The following UBE2K variants were observed in gnomAD, a reference collection of about 807,000 sequenced individuals.
UBE2K encodes the protein ubiquitin conjugating enzyme E2 K, also known as ubiquitin-conjugating enzyme E2 K.
UBE2K carries 6 observed loss-of-function variants against 30.0 expected under a neutral mutation model. The observed-to-expected ratio is 0.20, with a 90% CI of 0.11 to 0.39. The LOEUF is 0.39. UBE2K is among the 10% of genes least tolerant of loss of function. UBE2K has a pLI of 1.00. For synonymous variants in UBE2K, 86 were observed against 83.7 expected, an observed-to-expected ratio of 1.03 and a Z score of -0.15; for missense variants, 61 against 241.6, an observed-to-expected ratio of 0.25 and a Z score of 4.96.
intron 1 of UBE2K, among the ~76,000 whole-genome samples, chr4:39,708,623 ATCTT>A: frequency 6.6e-6 from 1 of 152,216 alleles, no homozygotes; most frequent in East Asian, 1.9e-4. Flanking sequence ...GCTTTTCAAA[ATCTT>A]TCTTAAGAAA....
intron 2 of UBE2K, among the ~76,000 whole-genome samples, chr4:39,744,461 C>T (rs780941784): frequency 2.1e-4 from 32 of 151,726 alleles, no homozygotes; most frequent in Non-Finnish European, 3.5e-4. Flanking sequence ...CATGAGCCAC[C>T]GCGCCGAGCC....
At chr4:39,728,796 G>T (rs1719897246) in intron 1 of UBE2K, among the ~76,000 whole-genome samples, 1 of 150,082 alleles carries the variant, frequency 6.7e-6, no homozygotes, top group African/African-American at 2.4e-5. Flanking sequence ...CCGCCACCAC[G>T]CCCGGCTAGT....
chr4:39,718,809 C>A (rs1295578951), intron 1 of UBE2K, among the ~76,000 whole-genome samples: 1 of 152,266 alleles, frequency 6.6e-6, no homozygotes, highest in Admixed American at 6.5e-5. Flanking sequence ...CTGAGCCCGC[C>A]AAGCCCACGC....
chr4:39,727,530 C>A (rs1719821065), intron 1 of UBE2K, among the ~76,000 whole-genome samples: 1 of 151,632 alleles, frequency 6.6e-6, no homozygotes, highest in Non-Finnish European at 1.5e-5. Context: ...CCCACACCTA[C>A]CTAATTTTTT....
chr4:39,750,892 A>ACCC (rs1293569131), intron 3 of UBE2K, among the ~76,000 whole-genome samples: 1 of 151,360 alleles, frequency 6.6e-6, no homozygotes. Flanking sequence ...CTACAGGCAT[A>ACCC]CCCCACCATG....
intron 4 of UBE2K, chr4:39,760,935 T>C (rs192194735): frequency 3.6e-4 from 55 of 152,144 alleles, no homozygotes; most frequent in African/African-American, 1.3e-3. Flanking sequence ...TATACAGATA[T>C]AAAAATTCAT....
At chr4:39,710,315 C>G (rs1718598811) in intron 1 of UBE2K, 1 of 152,076 alleles carries the variant, frequency 6.6e-6, no homozygotes. Flanking sequence ...GTTGCCCAGG[C>G]TGGAGTGCAG....
rs907078606 is a variant in UBE2K at position 39,725,700 on chromosome 4, G to C, written c.64-11720G>C. 6.6e-5 allele frequency among the ~76,000 whole-genome samples: 10 copies of C among 152,282 alleles called. No homozygotes were observed. In the East Asian group the frequency reaches 1.7e-3, roughly 26 times the overall value. ...CCCTTCCCCCTGCCAGAAGCATGCAGGGAATTTTCTTCCATCCTCACTGTG... is the reference window on the plus strand; with the variant it reads ...CCCTTCCCCCTGCCAGAAGCATGCACGGAATTTTCTTCCATCCTCACTGTG... On this transcript the variant is annotated intron_variant, in intron 1 of 6. Transcript: ENST00000261427.
At chr4:39,734,573 G>T (rs956003566) in intron 1 of UBE2K, among the ~76,000 whole-genome samples, 1 of 152,106 alleles carries the variant, frequency 6.6e-6, no homozygotes, top group African/African-American at 2.4e-5. Flanking sequence ...CAAGGCAGGA[G>T]GCCAAAGGTG....
intron 1 of UBE2K, among the ~76,000 whole-genome samples, chr4:39,711,098 T>A (rs545642214): frequency 2.3e-4 from 35 of 151,776 alleles, no homozygotes; most frequent in East Asian, 9.6e-4. Flanking sequence ...CTTTTTTTTT[T>A]AAAGTTTTTT....
intron 1 of UBE2K, among the ~76,000 whole-genome samples, chr4:39,726,891 C>G (rs1276059067): frequency 6.6e-6 from 1 of 152,188 alleles, no homozygotes; most frequent in Non-Finnish European, 1.5e-5. Flanking sequence ...GCCAATGTAC[C>G]TGTCCCCTTC....
intron 3 of UBE2K, 34 bp from the exon 4 acceptor site, chr4:39,755,623 T>G: frequency 6.8e-7 from 1 of 1,464,792 alleles, no homozygotes; most frequent in Non-Finnish European, 9.5e-7. Flanking sequence ...TTTATTTCTG[T>G]TACTGAAAAA....
At position 39,778,466 on chromosome 4, in the gene UBE2K, G is replaced by A; in HGVS notation, c.*32G>A. On this transcript the variant is annotated 3_prime_UTR_variant, in exon 7 of 7. Transcript: ENST00000261427. ...GAGAGCTGCTGATATAGTCAAGCTT[G>A]CCTCTTCTTGAGGAGCACCAACATC... is the stretch of plus-strand genomic sequence containing the variant. 6.8e-7 allele frequency: 1 copy of A among 1,466,582 alleles called. No individual in the cohort carries two copies. Among genetic ancestry groups the A allele is most frequent in the South Asian group, 1.2e-5 (1 of 85,440 alleles). The allele number at this position is 1,466,582 out of a possible 1,614,324, so 90.8% of individuals were successfully genotyped here.
chr4:39,752,004 A>G (rs1053120489), intron 3 of UBE2K, among the ~76,000 whole-genome samples: 10 of 152,312 alleles, frequency 6.6e-5, no homozygotes, highest in Middle Eastern at 3.4e-3. Context: ...CAAAAGGCAA[A>G]ATACACTTCA....
At chr4:39,773,925 C>G (rs747522766) in intron 4 of UBE2K, among the ~76,000 whole-genome samples, 1 of 151,072 alleles carries the variant, frequency 6.6e-6, no homozygotes, top group Non-Finnish European at 1.5e-5. Context: ...CGCCTCAAAA[C>G]TAAACTAAAC....
intron 4 of UBE2K, chr4:39,770,765 A>G: frequency 2.5e-6 from 4 of 1,582,968 alleles, no homozygotes; most frequent in Non-Finnish European, 3.4e-6. Flanking sequence ...CCAGGCCTCC[A>G]GGGGGCTTGA....
At chr4:39,771,683 G>C (rs550763800) in intron 4 of UBE2K, among the ~76,000 whole-genome samples, 2 of 152,128 alleles carry the variant, frequency 1.3e-5, no homozygotes, top group Non-Finnish European at 2.9e-5. Context: ...GCGCGGCGAC[G>C]GCGTCGGCTA....
chr4:39,748,431 A>G lies in UBE2K; in HGVS notation c.216+2621A>G, dbSNP rs75572436. On this transcript the variant is annotated intron_variant, in intron 3 of 6. Coordinates refer to ENST00000261427, the MANE Select transcript of UBE2K (RefSeq NM_005339.5). ...AAAGCGAGAAAAATAGACTCAAAACATAATAACTGAAGTATGTCTGATGTT... is the reference window on the plus strand; with the variant it reads ...AAAGCGAGAAAAATAGACTCAAAACGTAATAACTGAAGTATGTCTGATGTT... Among the ~76,000 whole-genome samples the G allele has an allele frequency of 4.0e-3, 609 of 152,270 alleles. 4 individuals carry two copies. The highest frequency in any genetic ancestry group is 0.014 in the African/African-American group (575 of 41,562).
At chr4:39,749,974 G>C (rs932027443) in intron 3 of UBE2K, among the ~76,000 whole-genome samples, 1 of 152,144 alleles carries the variant, frequency 6.6e-6, no homozygotes, top group Non-Finnish European at 1.5e-5. Context: ...CGAGGTGGGT[G>C]GATCACCAGA....
Sources: gnomAD v4.1 joint callset for allele counts (sites outside exome capture counted in the v4.1 genomes callset) on GRCh38, gnomAD v4.1.1 for gene constraint, MANE v1.5 for transcripts, NCBI Gene and HGNC (gene_info 2026-07-23, HGNC 2026-07-21) for gene names.